The following IFNAR2 variants were observed in gnomAD, a reference collection of about 807,000 sequenced individuals.
The protein encoded by IFNAR2 is interferon alpha and beta receptor subunit 2.
Under a neutral mutation model 49.4 loss-of-function variants are expected in IFNAR2, and 30 were observed. That is an observed-to-expected ratio of 0.61 (90% CI 0.45 to 0.82). The LOEUF (loss-of-function observed/expected upper bound fraction) is 0.82, where lower values mean the gene tolerates loss of function less well. Ranked by LOEUF, IFNAR2 falls within the 40% of genes least tolerant of loss-of-function variation. The pLI is 0.00. For synonymous variants in IFNAR2, 224 were observed against 234.5 expected (o/e 0.96, Z 0.41); for missense variants, 600 against 622.7 (o/e 0.96, Z 0.39).
intron 1 of IFNAR2, chr21:33,236,910 G>C (rs1346961386): frequency 2.0e-6 from 2 of 983,744 alleles, no homozygotes; most frequent in African/African-American, 1.7e-5. Flanking sequence ...TTTGTAGTCA[G>C]CAAGAGTTTT....
chr21:33,249,625 A>G (rs1194169566), intron 6 of IFNAR2, among the ~76,000 whole-genome samples: 6 of 152,166 alleles, frequency 3.9e-5, no homozygotes, highest in Non-Finnish European at 5.9e-5. Context: ...ATCTGGTATC[A>G]GACAGCCCTG....
intron 7 of IFNAR2, among the ~76,000 whole-genome samples, chr21:33,258,291 C>G (rs1264734359): frequency 1.3e-5 from 2 of 152,050 alleles, no homozygotes; most frequent in African/African-American, 4.8e-5. Context: ...AGCTACAGAG[C>G]AAGACTGTGT....
chr21:33,260,281 G>C (rs987380571), intron 7 of IFNAR2, among the ~76,000 whole-genome samples: 1 of 152,196 alleles, frequency 6.6e-6, no homozygotes, highest in Admixed American at 6.5e-5. Flanking sequence ...GTGACTGAGA[G>C]ACCGAGCTCT....
At chr21:33,238,935 T>C (rs1986696788) in intron 1 of IFNAR2, among the ~76,000 whole-genome samples, 1 of 152,190 alleles carries the variant, frequency 6.6e-6, no homozygotes, top group Non-Finnish European at 1.5e-5. Context: ...TACAAATTAA[T>C]ATTAATGTGA....
intron 1 of IFNAR2, among the ~76,000 whole-genome samples, chr21:33,237,078 G>GGTGGGGGTGTGTGTGTGT (rs57276350): frequency 1.4e-5 from 2 of 147,590 alleles, no homozygotes; most frequent in South Asian, 2.2e-4. Context: ...GGGAGAATGG[G>GGTGGGGGTGTGTGTGTGT]GTGTGTGTGT....
At position 33,263,052 on chromosome 21, in the gene IFNAR2, A is replaced by G. The variant is rs765955510; in HGVS notation, c.1100A>G (p.Glu367Gly). 1.2e-6 allele frequency: 2 copies of G among 1,614,068 alleles called. No homozygotes were observed. Among genetic ancestry groups the G allele is most frequent in the Non-Finnish European group, 1.7e-6 (2 of 1,180,000 alleles). ...SQLIDPESEE[E>G]PDLPEVDVEL... The stretch of plus-strand genomic sequence containing the variant: ...TTGATAGACCCGGAGTCCGAGGAGG[A>G]GCCTGACCTGCCTGAGGTTGATGTG... The change falls in exon 9 of 9, where the codon GAG (glutamate) becomes GGG (glycine). Residue 367 changes from glutamate (E) to glycine (G), a missense_variant. Coordinates refer to ENST00000342136, the MANE Select transcript of IFNAR2 (RefSeq NM_001289125.3).
chr21:33,261,325 C>G (rs1355876639), intron 8 of IFNAR2, among the ~76,000 whole-genome samples: 3 of 152,130 alleles, frequency 2.0e-5, no homozygotes, highest in African/African-American at 7.2e-5. Flanking sequence ...GTGTGAGCCA[C>G]TGCACTCAGC....
chr21:33,247,097 T>C (rs558619380), intron 5 of IFNAR2, among the ~76,000 whole-genome samples: 1 of 152,310 alleles, frequency 6.6e-6, no homozygotes, highest in Admixed American at 6.5e-5. Flanking sequence ...AATGATAATT[T>C]GTACTTTGCA....
At chr21:33,260,805 A>T in intron 8 of IFNAR2, 78 bp downstream of exon 8, 1 of 904,638 alleles carries the variant, frequency 1.1e-6, no homozygotes, top group Non-Finnish European at 1.6e-6. Context: ...ATTTATATAA[A>T]TATTTTCACA....
intron 1 of IFNAR2, among the ~76,000 whole-genome samples, chr21:33,237,864 C>A (rs775779075): frequency 2.0e-5 from 3 of 152,092 alleles, no homozygotes; most frequent in African/African-American, 7.2e-5. Flanking sequence ...GCTTGAACTT[C>A]GTCTTGTGAA....
intron 7 of IFNAR2, among the ~76,000 whole-genome samples, chr21:33,259,420 C>T (rs937700640): frequency 6.6e-5 from 10 of 152,078 alleles, no homozygotes; most frequent in African/African-American, 2.4e-4. Context: ...AAGCTGAAAA[C>T]AAACAAAAAT....
chr21:33,237,609 C>T (rs1986579174), intron 1 of IFNAR2, among the ~76,000 whole-genome samples: 1 of 152,188 alleles, frequency 6.6e-6, no homozygotes, highest in Non-Finnish European at 1.5e-5. Context: ...TAGGCAACGC[C>T]TCTGCTGTGG....
chr21:33,254,362 T>C (rs1601811516), intron 7 of IFNAR2, among the ~76,000 whole-genome samples: 1 of 152,162 alleles, frequency 6.6e-6, no homozygotes, highest in Admixed American at 6.5e-5. Flanking sequence ...GCATGATGGA[T>C]AGCAGGCCCT....
At chr21:33,257,128 G>A (rs1281328410) in intron 7 of IFNAR2, among the ~76,000 whole-genome samples, 2 of 152,180 alleles carry the variant, frequency 1.3e-5, no homozygotes, top group Non-Finnish European at 2.9e-5. Context: ...AGCGTGAACT[G>A]TATCCTCAAG....
intron 8 of IFNAR2, among the ~76,000 whole-genome samples, 159 bp downstream of exon 8, chr21:33,260,886 G>A (rs1308897005): frequency 1.3e-5 from 2 of 151,790 alleles, no homozygotes; most frequent in East Asian, 1.9e-4. Context: ...ATCTATAAAT[G>A]TATATTTTGC....
Position 33,263,043 on chromosome 21 carries a change from C to G in IFNAR2, c.1091C>G (p.Ser364Cys), listed in dbSNP as rs764904699. The change falls in exon 9 of 9, where the codon TCC becomes TGC. Residue 364 changes from serine (S) to cysteine (C), a missense_variant. Transcript: ENST00000342136. Reference protein sequence around the residue: ...STESQLIDPESEEEPDLPEVD... With the variant: ...STESQLIDPECEEEPDLPEVD... ...GAATCCCAGTTGATAGACCCGGAGT[C>G]CGAGGAGGAGCCTGACCTGCCTGAG... is the stretch of plus-strand genomic sequence containing the variant. 3.1e-6 allele frequency: 5 copies of G among 1,614,062 alleles called. No individual in the cohort carries two copies. Among genetic ancestry groups the G allele is most frequent in the Admixed American group, 1.7e-5 (1 of 59,998 alleles).
At chr21:33,231,149 G>A (rs1352197200) in intron 1 of IFNAR2, among the ~76,000 whole-genome samples, 1 of 152,112 alleles carries the variant, frequency 6.6e-6, no homozygotes, top group African/African-American at 2.4e-5. Flanking sequence ...TGGCCCAGGG[G>A]CTAAGTCCCA....
intron 1 of IFNAR2, among the ~76,000 whole-genome samples, chr21:33,233,278 G>A (rs1040064636): frequency 6.6e-6 from 1 of 152,138 alleles, no homozygotes; most frequent in African/African-American, 2.4e-5. Flanking sequence ...CAAAGATTAA[G>A]AAGAAAGAAG....
At chr21:33,240,592 G>A (rs193302688) in intron 1 of IFNAR2, among the ~76,000 whole-genome samples, 4 of 152,210 alleles carry the variant, frequency 2.6e-5, no homozygotes, top group South Asian at 2.1e-4. Flanking sequence ...AGGCCAAGGC[G>A]AGAATCCAGG....
Sources: allele counts gnomAD v4.1 joint callset (sites outside exome capture counted in the v4.1 genomes callset), GRCh38; gene constraint gnomAD v4.1.1; transcripts MANE v1.5; gene names NCBI Gene and HGNC (gene_info 2026-07-23, HGNC 2026-07-21).